CTNNA2: variants seen among roughly 807,000 people sequenced by gnomAD.
CTNNA2 encodes catenin alpha 2, also known as catenin alpha-2.
CTNNA2 carries 42 observed loss-of-function variants against 101.0 expected under a neutral mutation model. The observed-to-expected ratio is 0.42, with a 90% CI of 0.32 to 0.54. The LOEUF is 0.54. CTNNA2 is among the 20% of genes least tolerant of loss of function. The pLI is 0.14. For synonymous variants in CTNNA2, 450 were observed against 456.4 expected (o/e 0.99, Z 0.18); for missense variants, 871 against 1,223.1 (o/e 0.71, Z 4.29).
At chr2:79,294,306 G>C (rs1423510912) in intron 2 of CTNNA2, among the ~76,000 whole-genome samples, 1 of 151,464 alleles carries the variant, frequency 6.6e-6, no homozygotes, top group South Asian at 2.1e-4. Context: ...AGAGAGAGAG[G>C]GTGCTAGCTC....
At chr2:79,672,731 G>C (rs1271133972) in intron 2 of CTNNA2, among the ~76,000 whole-genome samples, 1 of 137,394 alleles carries the variant, frequency 7.3e-6, no homozygotes, top group Admixed American at 7.6e-5. Flanking sequence ...TTTTTGAGAC[G>C]GAGTTTTGCT....
intron 7 of CTNNA2, among the ~76,000 whole-genome samples, chr2:80,061,953 G>A (rs1161341946): frequency 6.6e-6 from 1 of 152,342 alleles, no homozygotes; most frequent in Non-Finnish European, 1.5e-5. Flanking sequence ...GTAGAAAGAA[G>A]CCTTGAAATC....
chr2:79,800,974 T>C (rs114846926), intron 3 of CTNNA2, among the ~76,000 whole-genome samples: 2,221 of 152,262 alleles, frequency 0.015, 53 homozygotes, highest in African/African-American at 0.051. Flanking sequence ...GATTAATATA[T>C]TGGGGGAGCT....
chr2:80,411,614 G>T (rs1305367309), intron 8 of CTNNA2, among the ~76,000 whole-genome samples: 1 of 152,062 alleles, frequency 6.6e-6, no homozygotes, highest in African/African-American at 2.4e-5. Context: ...CATTGCTTTT[G>T]GTCAATAATG....
At chr2:79,935,015 TA>T (rs1287961010) in intron 7 of CTNNA2, among the ~76,000 whole-genome samples, 6 of 152,218 alleles carry the variant, frequency 3.9e-5, no homozygotes, top group Non-Finnish European at 7.3e-5. Flanking sequence ...AAAGTTGGTA[TA>T]TTTTTTTGAT....
At chr2:80,049,073 T>C (rs916268689) in intron 7 of CTNNA2, among the ~76,000 whole-genome samples, 9 of 152,222 alleles carry the variant, frequency 5.9e-5, no homozygotes, top group African/African-American at 1.4e-4. Flanking sequence ...TAATCTGTAA[T>C]TTAAAATAGT....
chr2:80,130,945 G>T (rs1007214196), intron 7 of CTNNA2, among the ~76,000 whole-genome samples: 1 of 150,132 alleles, frequency 6.7e-6, no homozygotes, highest in Non-Finnish European at 1.5e-5. Flanking sequence ...CTATATATGA[G>T]AGAAAATGTC....
intron 7 of CTNNA2, among the ~76,000 whole-genome samples, chr2:80,121,545 T>A (rs1043843278): frequency 1.3e-5 from 2 of 152,112 alleles, no homozygotes; most frequent in African/African-American, 4.8e-5. Flanking sequence ...TTAAAAGTAT[T>A]GAAAAGGACC....
chr2:80,530,462 C>A (rs1690444970), intron 9 of CTNNA2, among the ~76,000 whole-genome samples: 2 of 152,156 alleles, frequency 1.3e-5, no homozygotes, highest in African/African-American at 4.8e-5. Flanking sequence ...ATGTGTTTTG[C>A]AGGACACAGA....
chr2:79,363,552 C>A (rs1234025877), intron 3 of CTNNA2, among the ~76,000 whole-genome samples: 2 of 133,486 alleles, frequency 1.5e-5, no homozygotes, highest in African/African-American at 5.3e-5. Flanking sequence ...TTTTCTATAA[C>A]CTTCCCCCAG....
chr2:80,354,891 T>C (rs1230745261), intron 7 of CTNNA2, among the ~76,000 whole-genome samples: 1 of 152,118 alleles, frequency 6.6e-6, no homozygotes, highest in Middle Eastern at 3.2e-3. Context: ...GGGTCAGGGA[T>C]TGTTGCTCTA....
intron 7 of CTNNA2, among the ~76,000 whole-genome samples, chr2:80,197,243 T>G (rs181028867): frequency 1.5e-3 from 230 of 152,322 alleles, no homozygotes; most frequent in African/African-American, 5.4e-3. Context: ...ACTCACATCG[T>G]TCACCACTGG....
chr2:79,636,948 T>C (rs553850081), intron 1 of CTNNA2: 15 of 152,280 alleles, frequency 9.9e-5, no homozygotes, highest in African/African-American at 3.4e-4. Context: ...TTTTAGTATA[T>C]AAGCTGGGAA....
At chr2:79,646,518 T>G (rs1157164524) in intron 1 of CTNNA2, among the ~76,000 whole-genome samples, 4 of 147,572 alleles carry the variant, frequency 2.7e-5, no homozygotes, top group African/African-American at 1.0e-4. Context: ...AAACTTTTCT[T>G]TCTGTCTTTT....
chr2:80,276,449 G>C (rs966039910), intron 7 of CTNNA2, among the ~76,000 whole-genome samples: 1 of 152,062 alleles, frequency 6.6e-6, no homozygotes, highest in East Asian at 1.9e-4. Context: ...GTCCATTTGC[G>C]TTGCTATAAA....
intron 2 of CTNNA2, among the ~76,000 whole-genome samples, chr2:79,254,084 C>G (rs59299842): frequency 6.6e-6 from 1 of 152,132 alleles, no homozygotes; most frequent in Non-Finnish European, 1.5e-5. Flanking sequence ...CTCTGGATAA[C>G]CACTTGTTGC....
chr2:79,548,584 A>G (rs1162962992), intron 1 of CTNNA2, among the ~76,000 whole-genome samples: 1 of 152,210 alleles, frequency 6.6e-6, no homozygotes, highest in Non-Finnish European at 1.5e-5. Context: ...GGAAGCTGAC[A>G]CTCAAAGGAA....
chr2:79,473,683 A>C (rs1006977043), intron 4 of CTNNA2, among the ~76,000 whole-genome samples: 1 of 152,170 alleles, frequency 6.6e-6, no homozygotes, highest in Admixed American at 6.5e-5. Flanking sequence ...GAAAAAGAAA[A>C]AGTCTTTTTC....
intron 7 of CTNNA2, among the ~76,000 whole-genome samples, chr2:80,153,374 A>G (rs1703820419): frequency 6.6e-6 from 1 of 152,166 alleles, no homozygotes; most frequent in Non-Finnish European, 1.5e-5. Flanking sequence ...AGTGGTTTTA[A>G]TTAGGTTAAA....
Sources: gnomAD v4.1 joint callset for allele counts (sites outside exome capture counted in the v4.1 genomes callset) on GRCh38, gnomAD v4.1.1 for gene constraint, MANE v1.5 for transcripts, NCBI Gene and HGNC (gene_info 2026-07-23, HGNC 2026-07-21) for gene names.